The following RELL2 variants were observed in gnomAD, a reference collection of about 807,000 sequenced individuals.
RELL2 encodes the protein RELT-like protein 2.
In RELL2, 18 loss-of-function variants were observed where a neutral mutation model predicts 27.5. The observed-to-expected ratio is 0.65, with a 90% confidence interval of 0.45 to 0.97. RELL2 has a LOEUF of 0.97. RELL2 is among the 50% of genes least tolerant of loss of function. The pLI, the probability that RELL2 is intolerant of heterozygous loss-of-function variation, is 0.00. For synonymous variants in RELL2, 156 were observed against 147.5 expected (o/e 1.06, Z -0.42); for missense variants, 370 against 397.5 (o/e 0.93, Z 0.59).
intron 5 of RELL2, 39 bp downstream of exon 5, chr5:141,640,334 T>C: frequency 6.2e-7 from 1 of 1,614,020 alleles, no homozygotes; most frequent in Non-Finnish European, 8.5e-7. Flanking sequence ...GGCTGGGCTC[T>C]TATTGCTCTC....
In RELL2 at chr5:141,638,218, A is replaced by T. The variant is rs991374358; in HGVS notation, c.-8A>T. 1 of 1,607,436 alleles carries T rather than the reference A, an allele frequency of 6.2e-7. No homozygotes were observed. Among genetic ancestry groups the T allele is most frequent in the South Asian group, 1.1e-5 (1 of 90,218 alleles). On this transcript the variant is annotated 5_prime_UTR_variant, in exon 1 of 7. Coordinates refer to ENST00000297164, the MANE Select transcript of RELL2 (RefSeq NM_173828.5). ...GCGCCCTGGCCCGCGCTCGCCCCCC[A>T]GGGCCTCATGTCGGAACCACAGCCT... is the stretch of plus-strand genomic sequence containing the variant.
Position 141,640,845 on chromosome 5 carries a change from CT to C in RELL2, c.*177del, listed in dbSNP as rs2099906789. 6.5e-6 allele frequency: 4 copies of C among 618,914 alleles called. No homozygotes were observed. Among genetic ancestry groups the C allele is most frequent in the Non-Finnish European group, 1.1e-5 (4 of 358,596 alleles). The allele number at this position is 618,914 out of a possible 1,614,324, so 38.3% of individuals were successfully genotyped here. ...TCAGGAGAGGTCACAGCCCCTCAGT[CT>C]CTTCTCCTTCCCCTGCCTGCAACAG... On this transcript the variant is annotated 3_prime_UTR_variant, in exon 7 of 7. Coordinates refer to ENST00000297164, the MANE Select transcript of RELL2 (RefSeq NM_173828.5).
Position 141,639,405 on chromosome 5 carries a change from A to G in RELL2, c.318-59A>G. On this transcript the variant is annotated intron_variant, in intron 3 of 6. Transcript: ENST00000297164. The surrounding 1 kb of genome is among the most constrained non-coding windows in gnomAD (Gnocchi z 4.4). ...AGGAGCATGCTGAAAGAACGTAAGAAACAAAACATGAAGGGAAATGGAAAT... is the reference window on the plus strand; with the variant it reads ...AGGAGCATGCTGAAAGAACGTAAGAGACAAAACATGAAGGGAAATGGAAAT... The G allele has an allele frequency of 6.9e-7, 1 of 1,441,056 alleles. No homozygotes were observed. The highest frequency in any genetic ancestry group is 9.5e-7 in the Non-Finnish European group (1 of 1,053,770). 89.3% of individuals were successfully genotyped at this position (1,441,056 alleles called of 1,614,324 possible).
chr5:141,638,479 C>T, intron 1 of RELL2, 70 bp downstream of exon 1: 3 of 1,423,968 alleles, frequency 2.1e-6, no homozygotes, highest in South Asian at 1.3e-5. Flanking sequence ...GCCTCCCTGA[C>T]CAACAGACCC....
rs941474977 is a variant in RELL2 at position 141,638,051 on chromosome 5, C to G, written c.-175C>G. 1.7e-6 allele frequency: 1 copy of G among 596,090 alleles called. No homozygotes were observed. The highest frequency in any genetic ancestry group is 1.9e-5 in the African/African-American group (1 of 53,874). 36.9% of individuals were successfully genotyped at this position (596,090 alleles called of 1,614,324 possible). ...CCTCTTGCCGAAAGGCGAAACAGCA[C>G]TCCTGGCCCGGACAGCTCCCTGGTT... On this transcript the variant is annotated 5_prime_UTR_variant, in exon 1 of 7. Transcript: ENST00000297164.
Position 141,640,166 on chromosome 5 carries a change from T to G in RELL2, c.750T>G (p.Arg250=). ...TCAGGGACAGCAGCCTAACCCCTCG[T>G]GCACTTGAAGGGAACCCCAGAGCTT... ...GGLRDSSLTP[R]ALEGNPRASA... is the part of the protein sequence containing the mutation. Residue 250 remains arginine (R), a synonymous_variant, in exon 5 of 7, where the codon CGT becomes CGG. Transcript: ENST00000297164. 1 of 1,614,100 alleles carries G rather than the reference T, an allele frequency of 6.2e-7. No individual in the cohort carries two copies. The highest frequency in any genetic ancestry group is 8.5e-7 in the Non-Finnish European group (1 of 1,179,974).
rs749046772 is a variant in RELL2 at position 141,639,533 on chromosome 5, AG to A, written c.388del (p.Ala130ProfsTer42). 1 of 1,613,998 alleles carries A rather than the reference AG, an allele frequency of 6.2e-7. No individual in the cohort carries two copies. Among genetic ancestry groups the A allele is most frequent in the South Asian group, 1.1e-5 (1 of 91,082 alleles). Reference protein sequence around the residue: ...HHHTVHLGSAAPCLHCSRSKR... With the variant: ...HHHTVHLGSAXPCLHCSRSKR... Reference sequence around the variant, plus strand: ...ATCACACAGTGCACCTGGGCTCTGCAGCCCCTTGCCTCCATTGCAGCCGCAG... The same window carrying A: ...ATCACACAGTGCACCTGGGCTCTGCACCCCTTGCCTCCATTGCAGCCGCAG... On this transcript the variant is annotated frameshift_variant, in exon 4 of 7. Transcript: ENST00000297164. LOFTEE classifies it high-confidence loss of function. This position sits in a 1 kb window ranked among gnomAD's most constrained non-coding sequence, Gnocchi z 4.4.
rs994346456 is a variant in RELL2 at position 141,640,006 on chromosome 5, G to A, written c.590G>A (p.Gly197Glu). Residue 197 changes from glycine to glutamate, a missense_variant, in exon 5 of 7, where the codon GGG becomes GAG. Gly to Glu is a moderately conservative substitution (Grantham distance 98, BLOSUM62 -2). Coordinates refer to ENST00000297164, the MANE Select transcript of RELL2 (RefSeq NM_173828.5). The stretch of plus-strand genomic sequence containing the variant: ...ACAGACAGGAGCTGGGGCTCTGGTG[G>A]GGGACAGGACCCAGGGGGTGGTCAG... ...SPTDRSWGSG[G>E]GQDPGGGQGS... The A allele has an allele frequency of 1.9e-6, 3 of 1,613,568 alleles. No homozygotes were observed. The highest frequency in any genetic ancestry group is 2.5e-6 in the Non-Finnish European group (3 of 1,179,862).
At position 141,640,717 on chromosome 5, in the gene RELL2, T is replaced by G; in HGVS notation, c.*48T>G. 1 of 1,524,326 alleles carries G rather than the reference T, an allele frequency of 6.6e-7. No individual in the cohort carries two copies. The highest frequency in any genetic ancestry group is 1.4e-5 in the African/African-American group (1 of 72,754). The allele number at this position is 1,524,326 out of a possible 1,614,324, so 94.4% of individuals were successfully genotyped here. A position where few individuals can be genotyped will look rare whatever the true frequency, so the allele number is the denominator to read the frequency against. The stretch of plus-strand genomic sequence containing the variant: ...ACTACCAGCTGGCAGGGCCAGGGGG[T>G]GGGTGGGCGTGAAAGCCCTCCCCTC... On this transcript the variant is annotated 3_prime_UTR_variant, in exon 7 of 7. Coordinates refer to ENST00000297164, the MANE Select transcript of RELL2 (RefSeq NM_173828.5).
Position 141,640,768 on chromosome 5 carries a change from G to GGTCCCTC in RELL2, c.*99_*100insGTCCCTC. The GGTCCCTC allele has an allele frequency of 2.5e-6, 3 of 1,192,826 alleles. No homozygotes were observed. The highest frequency in any genetic ancestry group is 3.5e-6 in the Non-Finnish European group (3 of 860,410). 73.9% of individuals were successfully genotyped at this position (1,192,826 alleles called of 1,614,324 possible). On this transcript the variant is annotated 3_prime_UTR_variant, in exon 7 of 7. Coordinates refer to ENST00000297164, the MANE Select transcript of RELL2 (RefSeq NM_173828.5). ...CACTGGACAGCACTGCCCCCCAGCT[G>GGTCCCTC]AGGGACCAGCTCTACTTCCACCTGG...
Position 141,639,175 on chromosome 5 carries a change from C to T in RELL2, c.317+154C>T, listed in dbSNP as rs916320986. 25 of 666,614 alleles carry T rather than the reference C, an allele frequency of 3.8e-5. No individual in the cohort carries two copies. Among genetic ancestry groups the T allele is most frequent in the Non-Finnish European group, 5.6e-5 (22 of 394,710 alleles). The allele number at this position is 666,614 out of a possible 1,614,324, so 41.3% of individuals were successfully genotyped here. A position where few individuals can be genotyped will look rare whatever the true frequency, so the allele number is the denominator to read the frequency against. ...GAAGAAAGTTGTTTTGTAGAAATCGCGATTCCTTCAAACCATCTCTCTCAT... is the reference window on the plus strand; with the variant it reads ...GAAGAAAGTTGTTTTGTAGAAATCGTGATTCCTTCAAACCATCTCTCTCAT... On this transcript the variant is annotated intron_variant, in intron 3 of 6. Transcript: ENST00000297164. This position sits in a 1 kb window ranked among gnomAD's most constrained non-coding sequence, Gnocchi z 4.4.
At position 141,640,910 on chromosome 5, in the gene RELL2, G is replaced by A; in HGVS notation, c.*241G>A. On this transcript the variant is annotated 3_prime_UTR_variant, in exon 7 of 7. Transcript: ENST00000297164. ...CCTTCCCCAACACCTCGCTCCATAT[G>A]ATAGAGCGTGGCAGCTGGGAGCAGG... The A allele has an allele frequency of 1.8e-6, 1 of 553,626 alleles. No homozygotes were observed. Among genetic ancestry groups the A allele is most frequent in the Non-Finnish European group, 3.2e-6 (1 of 313,598 alleles). 34.3% of individuals were successfully genotyped at this position (553,626 alleles called of 1,614,324 possible).
At position 141,640,659 on chromosome 5, in the gene RELL2, C is replaced by T. The variant is rs931207235; in HGVS notation, c.*2-12C>T. The T allele has an allele frequency of 6.5e-7, 1 of 1,536,386 alleles. No homozygotes were observed. Among genetic ancestry groups the T allele is most frequent in the Non-Finnish European group, 8.7e-7 (1 of 1,146,458 alleles). On this transcript the variant is annotated splice_polypyrimidine_tract_variant and intron_variant, in intron 6 of 6. Transcript: ENST00000297164. ...ACAGGAAGCAACAGTGTTATTCTTC[C>T]TCTTCTCCAAGTCTCCTTCATTGTG...
Position 141,638,831 on chromosome 5 carries a change from G to C in RELL2, c.221G>C (p.Arg74Thr). Residue 74 changes from arginine (R) to threonine (T), a missense_variant, in exon 2 of 7, where the codon AGG (arginine) becomes ACG (threonine). Transcript: ENST00000297164. Reference sequence around the variant, plus strand: ...GACATGAATGAGGACACAGTAGAGAGGATTGTTCGCTGCATCATCCAGAAT... The same window carrying C: ...GACATGAATGAGGACACAGTAGAGACGATTGTTCGCTGCATCATCCAGAAT... ...DDDMNEDTVE[R>T]IVRCIIQNEA... 1.2e-6 allele frequency: 2 copies of C among 1,614,190 alleles called. No individual in the cohort carries two copies. The highest frequency in any genetic ancestry group is 1.7e-6 in the Non-Finnish European group (2 of 1,180,024).
In RELL2 at chr5:141,638,353, G is replaced by T. The variant is rs1206636601; in HGVS notation, c.128G>T (p.Gly43Val). The part of the protein sequence containing the change: ...FMICHVLKKK[G>V]YRCRTSRGSE... ...ATCTGCCACGTGCTCAAGAAGAAGG[G>T]CTACCGCTGCCGCACGTCGAGGGGC... Residue 43 changes from glycine (G) to valine (V), a missense_variant, in exon 1 of 7, where the codon GGC (glycine) becomes GTC (valine). Transcript: ENST00000297164. 2 of 1,613,748 alleles carry T rather than the reference G, an allele frequency of 1.2e-6. No individual in the cohort carries two copies. Among genetic ancestry groups the T allele is most frequent in the African/African-American group, 1.3e-5 (1 of 74,876 alleles).
Position 141,640,302 on chromosome 5 carries a change from A to G in RELL2, c.879+7A>G. On this transcript the variant is annotated splice_region_variant and intron_variant, in intron 5 of 6. Transcript: ENST00000297164. ...AGACACTTCTGATCACCAGGTAGGA[A>G]AACACAGCCGGGACTGCACTGGGCT... The G allele has an allele frequency of 6.2e-7, 1 of 1,613,796 alleles. No individual in the cohort carries two copies. Among genetic ancestry groups the G allele is most frequent in the Non-Finnish European group, 8.5e-7 (1 of 1,179,828 alleles).
At position 141,638,379 on chromosome 5, in the gene RELL2, T is replaced by G. The variant is rs1364552207; in HGVS notation, c.154T>G (p.Ser52Ala). 1 of 1,612,826 alleles carries G rather than the reference T, an allele frequency of 6.2e-7. No homozygotes were observed. Among genetic ancestry groups the G allele is most frequent in the East Asian group, 2.2e-5 (1 of 44,858 alleles). ...KGYRCRTSRG[S>A]EPDDAQLQPP... ...CTACCGCTGCCGCACGTCGAGGGGCTCTGAGCCTGACGATGCCCAGCTTCA... is the reference window on the plus strand; with the variant it reads ...CTACCGCTGCCGCACGTCGAGGGGCGCTGAGCCTGACGATGCCCAGCTTCA... Residue 52 changes from serine to alanine, a missense_variant, in exon 1 of 7, where the codon TCT becomes GCT. Physicochemically the swap from Ser to Ala is moderately conservative, Grantham distance 99. Transcript: ENST00000297164.
rs2099906786 is a variant in RELL2 at position 141,640,838 on chromosome 5, C to T, written c.*169C>T. ...GGGGGCCTCAGGAGAGGTCACAGCC[C>T]CTCAGTCTCTTCTCCTTCCCCTGCC... On this transcript the variant is annotated 3_prime_UTR_variant, in exon 7 of 7. Coordinates refer to ENST00000297164, the MANE Select transcript of RELL2 (RefSeq NM_173828.5). The T allele has an allele frequency of 1.6e-6, 1 of 639,188 alleles. No individual in the cohort carries two copies. The highest frequency in any genetic ancestry group is 2.7e-6 in the Non-Finnish European group (1 of 376,076). 39.6% of individuals were successfully genotyped at this position (639,188 alleles called of 1,614,324 possible).
intron 1 of RELL2, 22 bp from the exon 2 acceptor site, chr5:141,638,773 G>A: frequency 6.2e-7 from 1 of 1,610,184 alleles, no homozygotes; most frequent in Non-Finnish European, 8.5e-7. Flanking sequence ...CTGCTTCCTT[G>A]CCAATCTCTT....
Sources: gnomAD v4.1 joint callset for allele counts on GRCh38, gnomAD v4.1.1 for gene constraint, Gnocchi (gnomAD v3.1) non-coding constraint, MANE v1.5 for transcripts, NCBI Gene and HGNC (gene_info 2026-07-23, HGNC 2026-07-21) for gene names.